Variants in KIAA1671 observed in about 807,000 individuals in gnomAD.
KIAA1671 encodes the protein KIAA1671, also known as uncharacterized protein KIAA1671.
In KIAA1671, 52 loss-of-function variants were observed where a neutral mutation model predicts 131.2. That is an observed-to-expected ratio of 0.40 (90% confidence interval 0.32 to 0.50). KIAA1671 has a LOEUF of 0.50. KIAA1671 is among the 20% of genes least tolerant of loss of function. KIAA1671 has a pLI of 0.73. For synonymous variants in KIAA1671, 1,003 were observed against 961.6 expected, an observed-to-expected ratio of 1.04 and a Z score of -0.80; for missense variants, 2,360 against 2,364.2, an observed-to-expected ratio of 1.00 and a Z score of 0.04.
intron 6 of KIAA1671, among the ~76,000 whole-genome samples, chr22:25,154,165 G>A (rs1933144857): frequency 6.6e-6 from 1 of 152,136 alleles, no homozygotes; most frequent in Admixed American, 6.5e-5. Context: ...TTTATTTGGG[G>A]GCTTTGATCC....
intron 11 of KIAA1671, among the ~76,000 whole-genome samples, chr22:25,189,384 G>A (rs948134432): frequency 6.6e-6 from 1 of 151,816 alleles, no homozygotes; most frequent in Non-Finnish European, 1.5e-5. Context: ...CGTGTTAGCC[G>A]GGATGGTCTT....
chr22:25,028,746 G>C lies in KIAA1671; in HGVS notation c.747G>C (p.Glu249Asp). The change falls in exon 3 of 13, where the codon GAG becomes GAC. Residue 249 changes from glutamate to aspartate, a missense_variant. Transcript: ENST00000358431. The part of the protein sequence containing the change: ...KRRPVSAIFT[E>D]SIQPQKPGPG... ...GGCCCGTGTCTGCCATTTTCACGGAGTCCATTCAGCCTCAGAAGCCAGGCC... is the reference window on the plus strand; with the variant it reads ...GGCCCGTGTCTGCCATTTTCACGGACTCCATTCAGCCTCAGAAGCCAGGCC... 6.4e-7 allele frequency: 1 copy of C among 1,551,308 alleles called. No individual in the cohort carries two copies. The highest frequency in any genetic ancestry group is 8.7e-7 in the Non-Finnish European group (1 of 1,147,010).
At chr22:25,181,086 C>T (rs536787502) in intron 9 of KIAA1671, among the ~76,000 whole-genome samples, 17 of 152,132 alleles carry the variant, frequency 1.1e-4, no homozygotes, top group Non-Finnish European at 2.1e-4. Context: ...GCCCCCTCCT[C>T]CAATCCTCAC....
At chr22:24,995,856 G>A (rs1398631769) in intron 1 of KIAA1671, among the ~76,000 whole-genome samples, 1 of 152,174 alleles carries the variant, frequency 6.6e-6, no homozygotes, top group Non-Finnish European at 1.5e-5. Flanking sequence ...AGTTGCCCAA[G>A]GTCACACAGC....
Position 25,189,130 on chromosome 22 carries a change from T to TC in KIAA1671, c.5343-1572_5343-1571insC, listed in dbSNP as rs1360268280. Among the ~76,000 whole-genome samples, 162 of 147,394 alleles carry TC rather than the reference T, an allele frequency of 1.1e-3. 3 individuals carry two copies. Among genetic ancestry groups the TC allele is most frequent in the Non-Finnish European group, 1.1e-3 (73 of 66,748 alleles). ...TCCTGGGAGGCCAGTCTTTTTCTTT[T>TC]TTTTTTTTTTTTTTTGTTTTGTTTT... On this transcript the variant is annotated intron_variant, in intron 11 of 12. Coordinates refer to ENST00000358431, the MANE Select transcript of KIAA1671 (RefSeq NM_001145206.2).
At chr22:25,045,887 G>T (rs957518383) in intron 5 of KIAA1671, among the ~76,000 whole-genome samples, 3 of 148,084 alleles carry the variant, frequency 2.0e-5, no homozygotes, top group African/African-American at 7.4e-5. Context: ...CACTGCACCC[G>T]GCCTCCCCTT....
In KIAA1671 at chr22:25,000,676, C is replaced by A. The variant is rs558336645; in HGVS notation, c.-207-24957C>A. On this transcript the variant is annotated intron_variant, in intron 1 of 12. Coordinates refer to ENST00000358431, the MANE Select transcript of KIAA1671 (RefSeq NM_001145206.2). Reference sequence around the variant, plus strand: ...AGATTACAGGTGCATGCCACCATGCCTGGATAATTTTTGTATATTTAGTAG... The same window carrying A: ...AGATTACAGGTGCATGCCACCATGCATGGATAATTTTTGTATATTTAGTAG... Among the ~76,000 whole-genome samples, 21 of 151,886 alleles carry A rather than the reference C, an allele frequency of 1.4e-4. No homozygotes were observed. The East Asian group carries it at 3.7e-3, about 27-fold the overall frequency.
intron 1 of KIAA1671, among the ~76,000 whole-genome samples, chr22:25,025,163 AGTC>A (rs1925872933): frequency 1.4e-3 from 201 of 145,874 alleles, no homozygotes; most frequent in South Asian, 2.2e-3. Flanking sequence ...CTACCAAGTG[AGTC>A]AGCACCTCGA....
intron 1 of KIAA1671, among the ~76,000 whole-genome samples, chr22:24,956,686 G>A (rs1181519054): frequency 1.3e-5 from 2 of 151,874 alleles, no homozygotes; most frequent in African/African-American, 2.4e-5. Flanking sequence ...CTAACACGGT[G>A]AAACCCCGTG....
At chr22:24,985,425 C>T (rs1383088348) in intron 1 of KIAA1671, among the ~76,000 whole-genome samples, 2 of 148,024 alleles carry the variant, frequency 1.4e-5, no homozygotes, top group Non-Finnish European at 3.0e-5. Context: ...CTGCAAGCTC[C>T]GCCTCCCGGG....
intron 6 of KIAA1671, among the ~76,000 whole-genome samples, chr22:25,097,478 C>G (rs910670751): frequency 1.3e-5 from 2 of 152,172 alleles, no homozygotes; most frequent in Non-Finnish European, 2.9e-5. Flanking sequence ...CAGTGGCTCA[C>G]GCCTGTAATC....
Position 25,039,632 on chromosome 22 carries a change from C to T in KIAA1671, c.2502C>T (p.Thr834=), listed in dbSNP as rs1456927515. Residue 834 remains threonine (T), a synonymous_variant, in exon 5 of 13, where the codon ACC becomes ACT. Transcript: ENST00000358431. The stretch of plus-strand genomic sequence containing the variant: ...CAGTGGTGAGCTCGCACAAAGCCAC[C>T]GTGGCAGTCAGCGAAGAGCACTGTG... ...GGAVVSSHKA[T]VAVSEEHCAP... is the part of the protein sequence containing the mutation. 24 of 1,548,584 alleles carry T rather than the reference C, an allele frequency of 1.5e-5. No individual in the cohort carries two copies. The highest frequency in any genetic ancestry group is 4.9e-5 in the East Asian group (2 of 40,824).
intron 9 of KIAA1671, chr22:25,179,670 CAG>C (rs1233327306): frequency 3.2e-6 from 2 of 633,476 alleles, no homozygotes; most frequent in Non-Finnish European, 5.5e-6. Context: ...CTAGGTAAAA[CAG>C]TGTTTTGAAG....
chr22:25,093,746 C>CTCTCTCTCTCTCTG lies in KIAA1671; in HGVS notation c.4530+44395_4530+44396insGTCTCTCTCTCTCT, dbSNP rs1930182448. Among the ~76,000 whole-genome samples the CTCTCTCTCTCTCTG allele has an allele frequency of 1.2e-4, 14 of 121,420 alleles. 1 individual carries two copies. Among genetic ancestry groups the CTCTCTCTCTCTCTG allele is most frequent in the Admixed American group, 2.4e-4 (3 of 12,488 alleles). 79.7% of individuals were successfully genotyped at this position (121,420 alleles called of 152,430 possible). ...ACACACACACACACACACTCTCTCT[C>CTCTCTCTCTCTCTG]TCTCTCTCTCTCTCTCTCTCTGTCT... On this transcript the variant is annotated intron_variant, in intron 6 of 12. Coordinates refer to ENST00000358431, the MANE Select transcript of KIAA1671 (RefSeq NM_001145206.2).
chr22:25,093,790 C>CTCTCTCTCTCTGTCTCTCTT (rs1930217699), intron 6 of KIAA1671, among the ~76,000 whole-genome samples: 6 of 130,424 alleles, frequency 4.6e-5, no homozygotes, highest in African/African-American at 1.7e-4. Flanking sequence ...CTCTCTCTCT[C>CTCTCTCTCTCTGTCTCTCTT]TCTCTCTCTC....
chr22:25,019,048 TTTTG>T (rs1414726874), intron 1 of KIAA1671, among the ~76,000 whole-genome samples: 4 of 115,806 alleles, frequency 3.5e-5, no homozygotes, highest in African/African-American at 7.4e-5. Flanking sequence ...CCAATAGTTG[TTTTG>T]TGTGTGTGTG....
chr22:25,107,874 G>T (rs1931103569), intron 6 of KIAA1671, among the ~76,000 whole-genome samples: 1 of 152,040 alleles, frequency 6.6e-6, no homozygotes, highest in South Asian at 2.1e-4. Flanking sequence ...CAGGCGTGGT[G>T]GTGCACACCT....
rs1203774145 is a variant in KIAA1671, at chr22:24,954,837, A to G, written c.-208+2065A>G. On this transcript the variant is annotated intron_variant, in intron 1 of 12. Transcript: ENST00000358431. ...GCTCTGCAGCCCAGGCTAGAGTGCA[A>G]TGGCGCGATCTCGGCTCACTGCGAC... Among the ~76,000 whole-genome samples the G allele has an allele frequency of 2.0e-5, 3 of 152,044 alleles. No individual in the cohort carries two copies. The East Asian group carries it at 5.8e-4, about 29-fold the overall frequency.
At chr22:25,175,574 A>C (rs1241682056) in intron 8 of KIAA1671, 1 of 152,216 alleles carries the variant, frequency 6.6e-6, no homozygotes, top group Non-Finnish European at 1.5e-5. Flanking sequence ...GTTAGGTGAT[A>C]TATTCAGTTA....
Sources: gnomAD v4.1 joint callset for allele counts (sites outside exome capture counted in the v4.1 genomes callset) on GRCh38, gnomAD v4.1.1 for gene constraint, MANE v1.5 for transcripts, NCBI Gene and HGNC (gene_info 2026-07-23, HGNC 2026-07-21) for gene names.